The following PCDH15 variants were observed in gnomAD, a reference collection of about 807,000 sequenced individuals.
PCDH15 encodes the protein protocadherin related 15.
PCDH15 carries 129 observed loss-of-function variants against 178.5 expected under a neutral mutation model. The observed-to-expected ratio is 0.72, with a 90% CI of 0.63 to 0.84. PCDH15 has a LOEUF of 0.84. PCDH15 is among the 40% of genes least tolerant of loss of function. The pLI is 0.00. For synonymous variants in PCDH15, 800 were observed against 732.0 expected, an observed-to-expected ratio of 1.09 and a Z score of -1.50; for missense variants, 2,230 against 2,099.9, an observed-to-expected ratio of 1.06 and a Z score of -1.21.
At chr10:54,966,108 CA>C (rs1422997792) in intron 2 of PCDH15, among the ~76,000 whole-genome samples, 1 of 151,774 alleles carries the variant, frequency 6.6e-6, no homozygotes. Flanking sequence ...ACATGGTCAA[CA>C]GCATTCAAGT....
intron 2 of PCDH15, among the ~76,000 whole-genome samples, chr10:55,519,991 T>A (rs1841119678): frequency 6.7e-6 from 1 of 148,832 alleles, no homozygotes; most frequent in Non-Finnish European, 1.5e-5. Flanking sequence ...ATAACATACA[T>A]CTTTGAGGAA....
intron 1 of PCDH15, among the ~76,000 whole-genome samples, chr10:55,214,819 A>T (rs1262092991): frequency 6.6e-6 from 1 of 151,914 alleles, no homozygotes; most frequent in East Asian, 1.9e-4. Flanking sequence ...GTACTGACTC[A>T]TATATCATAT....
chr10:55,577,116 C>A (rs1213081610), intron 2 of PCDH15, among the ~76,000 whole-genome samples: 1 of 152,034 alleles, frequency 6.6e-6, no homozygotes, highest in African/African-American at 2.4e-5. Context: ...GTGTTGCACG[C>A]CTGTAGTCCC....
intron 2 of PCDH15, among the ~76,000 whole-genome samples, chr10:54,992,737 A>T (rs1457789050): frequency 6.7e-6 from 1 of 148,772 alleles, no homozygotes; most frequent in African/African-American, 2.5e-5. Flanking sequence ...CCTGGGCGAC[A>T]GAGTGATCCT....
At chr10:54,552,041 A>C (rs1030397482) in intron 2 of PCDH15, among the ~76,000 whole-genome samples, 1 of 152,140 alleles carries the variant, frequency 6.6e-6, no homozygotes, top group Non-Finnish European at 1.5e-5. Context: ...GCTTCCACTA[A>C]ATCATTTCCA....
intron 2 of PCDH15, among the ~76,000 whole-genome samples, chr10:55,106,795 T>A (rs541786395): frequency 6.6e-6 from 1 of 152,312 alleles, no homozygotes; most frequent in South Asian, 2.1e-4. Flanking sequence ...TATCCTATTA[T>A]TAAATCTATT....
At chr10:54,674,083 G>A (rs1370835623) in intron 1 of PCDH15, among the ~76,000 whole-genome samples, 3 of 152,022 alleles carry the variant, frequency 2.0e-5, no homozygotes, top group East Asian at 1.9e-4. Flanking sequence ...AGATCATAAA[G>A]TTTCATACTA....
chr10:54,855,097 G>A (rs777299986), intron 3 of PCDH15, among the ~76,000 whole-genome samples: 10 of 152,218 alleles, frequency 6.6e-5, no homozygotes, highest in South Asian at 2.1e-4. Context: ...ACACACACCC[G>A]GGCTCGGGCC....
At chr10:54,443,549 C>G (rs2075968412) in intron 3 of PCDH15, among the ~76,000 whole-genome samples, 1 of 151,426 alleles carries the variant, frequency 6.6e-6, no homozygotes, top group Non-Finnish European at 1.5e-5. Context: ...GGAAACAGAT[C>G]CAGAGAGGAA....
chr10:53,955,213 C>T (rs566850227), intron 23 of PCDH15, among the ~76,000 whole-genome samples: 77 of 152,288 alleles, frequency 5.1e-4, no homozygotes, highest in Non-Finnish European at 9.7e-4. Context: ...CCCCTTTCTG[C>T]TGACTAAAAT....
chr10:54,144,542 AT>A (rs1238309880), intron 14 of PCDH15, among the ~76,000 whole-genome samples: 1 of 151,878 alleles, frequency 6.6e-6, no homozygotes, highest in East Asian at 1.9e-4. Context: ...ACATTGTTAC[AT>A]TTTTTTCCCT....
intron 2 of PCDH15, among the ~76,000 whole-genome samples, chr10:55,042,826 T>C (rs1043529630): frequency 2.0e-5 from 3 of 152,126 alleles, no homozygotes; most frequent in Non-Finnish European, 2.9e-5. Context: ...TACCTTCCAG[T>C]CTTTCAATAT....
At chr10:53,822,952 G>T in intron 32 of PCDH15, 1 of 1,613,978 alleles carries the variant, frequency 6.2e-7, no homozygotes, top group Middle Eastern at 1.6e-4. Context: ...ATGATCTCTG[G>T]TCTATTTGGA....
At chr10:54,470,551 C>G (rs921677513) in intron 3 of PCDH15, among the ~76,000 whole-genome samples, 3 of 152,062 alleles carry the variant, frequency 2.0e-5, no homozygotes, top group Non-Finnish European at 2.9e-5. Context: ...TTCTTAACTC[C>G]CTTCCCAGAG....
chr10:54,046,885 C>G (rs1220316039), intron 18 of PCDH15, among the ~76,000 whole-genome samples: 1 of 99,290 alleles, frequency 1.0e-5, no homozygotes, highest in Non-Finnish European at 2.1e-5. Flanking sequence ...TCTGTAAAAC[C>G]AAGTTGGTTG....
Position 54,149,714 on chromosome 10 carries a change from A to AT in PCDH15, c.1784+3385dup, listed in dbSNP as rs575617373. On this transcript the variant is annotated intron_variant, in intron 14 of 37. Coordinates refer to ENST00000644397, the MANE Select transcript of PCDH15 (RefSeq NM_001384140.1). ...TGGAAAGCTTGAGTAATGGATTGAGATGTTTTCCATGTTACCAGGATCACC... is the reference window on the plus strand; with the variant it reads ...TGGAAAGCTTGAGTAATGGATTGAGATTGTTTTCCATGTTACCAGGATCACC... Among the ~76,000 whole-genome samples the AT allele has an allele frequency of 4.6e-5, 7 of 152,260 alleles. No homozygotes were observed. In the South Asian group the frequency reaches 1.4e-3, roughly 32 times the overall value.
chr10:54,751,774 A>G (rs975923689), intron 1 of PCDH15, among the ~76,000 whole-genome samples: 2 of 152,208 alleles, frequency 1.3e-5, no homozygotes, highest in East Asian at 3.9e-4. Context: ...TCTGTAATAC[A>G]TAAGAAGAAA....
chr10:54,128,638 C>G (rs1388904909), intron 15 of PCDH15, among the ~76,000 whole-genome samples: 2 of 152,092 alleles, frequency 1.3e-5, no homozygotes, highest in Admixed American at 1.3e-4. Flanking sequence ...ATAATGTTAT[C>G]TAGTACTATT....
rs1375830818 is a variant in PCDH15 at position 54,875,897 on chromosome 10, T to A, written c.-29+21553A>T. ...GTTATCCAGAAAAATCTAGCTAAGA[T>A]AATTGATGAAGGTAGATACACTAAA... On this transcript the variant is annotated intron_variant, in intron 3 of 5. Coordinates refer to the PCDH15 transcript ENST00000458638. Among the ~76,000 whole-genome samples, 6 of 152,152 alleles carry A rather than the reference T, an allele frequency of 3.9e-5. 1 individual carries two copies. Among genetic ancestry groups the A allele is most frequent in the Admixed American group, 2.0e-4 (3 of 15,248 alleles).
Sources: allele counts gnomAD v4.1 joint callset (sites outside exome capture counted in the v4.1 genomes callset), GRCh38; gene constraint gnomAD v4.1.1; transcripts MANE v1.5; gene names NCBI Gene and HGNC (gene_info 2026-07-23, HGNC 2026-07-21).